The following POC1A variants were observed in gnomAD, a reference collection of about 807,000 sequenced individuals.
POC1A encodes the protein POC1 centriolar protein homolog A.
A neutral mutation model predicts 47.8 loss-of-function variants in POC1A; 34 were observed. That is an observed-to-expected ratio of 0.71 (90% CI 0.54 to 0.95). The LOEUF (loss-of-function observed/expected upper bound fraction) is 0.95, where lower values mean the gene tolerates loss of function less well. Ranked by LOEUF, POC1A falls within the 40% of genes least tolerant of loss-of-function variation. POC1A has a pLI of 0.00. For synonymous variants in POC1A, 177 were observed against 207.6 expected (o/e 0.85, Z 1.27); for missense variants, 466 against 528.3 (o/e 0.88, Z 1.16).
intron 4 of POC1A, among the ~76,000 whole-genome samples, chr3:52,147,352 GA>G (rs533855537): frequency 1.3e-5 from 2 of 152,152 alleles, no homozygotes; most frequent in East Asian, 3.9e-4. Context: ...CTTTGTTTCT[GA>G]AAATAGTTAA....
chr3:52,096,808 C>T, intron 9 of POC1A, 96 bp from the exon 10 acceptor site: 1 of 1,171,142 alleles, frequency 8.5e-7, no homozygotes, highest in African/African-American at 1.6e-5. Context: ...GGGAAAACCA[C>T]CAGCAAATTT....
rs143222598 is a variant in POC1A at position 52,095,941 on chromosome 3, G to A, written c.1125+628C>T. 1.4e-3 allele frequency among the ~76,000 whole-genome samples: 217 copies of A among 152,354 alleles called. 1 individual carries two copies. The highest frequency in any genetic ancestry group is 0.01 in the Middle Eastern group (3 of 294). On this transcript the variant is annotated intron_variant, in intron 10 of 10. Transcript: ENST00000296484. ...GCCAACCTACGCTCCAGAGGGCAGGGCCCATATCCATCTCAGTGACGAGGG... is the reference window on the plus strand; with the variant it reads ...GCCAACCTACGCTCCAGAGGGCAGGACCCATATCCATCTCAGTGACGAGGG...
intron 10 of POC1A, among the ~76,000 whole-genome samples, chr3:52,083,190 C>T (rs551192121): frequency 6.6e-6 from 1 of 152,282 alleles, no homozygotes; most frequent in African/African-American, 2.4e-5. Context: ...GACCCTCCAG[C>T]TGGCAAGAGG....
chr3:52,137,288 G>T (rs1559845194), intron 7 of POC1A, among the ~76,000 whole-genome samples: 1 of 152,004 alleles, frequency 6.6e-6, no homozygotes, highest in Non-Finnish European at 1.5e-5. Context: ...CCCTAACTCA[G>T]ATGGCAGTGG....
chr3:52,096,028 T>C (rs907200651), intron 10 of POC1A, among the ~76,000 whole-genome samples: 2 of 152,236 alleles, frequency 1.3e-5, no homozygotes, highest in Non-Finnish European at 2.9e-5. Flanking sequence ...GGGCCAAACA[T>C]TTCCCAGATT....
intron 9 of POC1A, among the ~76,000 whole-genome samples, chr3:52,097,589 G>C (rs563153724): frequency 2.6e-4 from 40 of 152,332 alleles, no homozygotes; most frequent in South Asian, 6.2e-4. Context: ...CTGTGGACTT[G>C]TTCCTGTGGG....
intron 2 of POC1A, among the ~76,000 whole-genome samples, chr3:52,150,613 C>T (rs1038067966): frequency 2.0e-5 from 3 of 152,096 alleles, no homozygotes; most frequent in Non-Finnish European, 2.9e-5. Context: ...TGCTCAACAG[C>T]CTTCTCACTG....
intron 9 of POC1A, among the ~76,000 whole-genome samples, chr3:52,118,336 G>GA (rs1211965618): frequency 6.6e-6 from 1 of 152,196 alleles, no homozygotes; most frequent in African/African-American, 2.4e-5. Flanking sequence ...AGAATAGAGG[G>GA]AAAATGGAAC....
chr3:52,094,427 G>C (rs1400551317), intron 10 of POC1A, among the ~76,000 whole-genome samples: 2 of 152,246 alleles, frequency 1.3e-5, no homozygotes, highest in African/African-American at 4.8e-5. Flanking sequence ...CCAAGAGAAA[G>C]GCACAGGGAA....
rs1387086385 is a variant in POC1A at position 52,090,611 on chromosome 3, T to C, written c.1125+5958A>G. On this transcript the variant is annotated intron_variant, in intron 10 of 10. Coordinates refer to ENST00000296484, the MANE Select transcript of POC1A (RefSeq NM_015426.5). The surrounding 1 kb of genome is among the most constrained non-coding windows in gnomAD (Gnocchi z 4.2). ...CAGAGCCAGCGTGGAGGTGAGCTCATGTAGCAGTGGCTATTTGTGGAAACA... is the reference window on the plus strand; with the variant it reads ...CAGAGCCAGCGTGGAGGTGAGCTCACGTAGCAGTGGCTATTTGTGGAAACA... Among the ~76,000 whole-genome samples the C allele has an allele frequency of 2.0e-5, 3 of 152,176 alleles. No homozygotes were observed. The highest frequency in any genetic ancestry group is 2.9e-5 in the Non-Finnish European group (2 of 68,024).
intron 10 of POC1A, among the ~76,000 whole-genome samples, chr3:52,083,736 C>T (rs1049331379): frequency 1.3e-5 from 2 of 152,166 alleles, no homozygotes; most frequent in East Asian, 1.9e-4. Flanking sequence ...GGAGTCAGGC[C>T]CCTGCCACGG....
chr3:52,149,276 CACACTTTG>C lies in POC1A; in HGVS notation c.381_388del (p.Lys128GlyfsTer35). ...CAGGAATTTCTGGCGATGAGTTGCCCACACTTTGACTGTCTTGTCGTCAGAGGCTGTCA... is the reference window on the plus strand; with the variant it reads ...CAGGAATTTCTGGCGATGAGTTGCCCACTGTCTTGTCGTCAGAGGCTGTCA... On this transcript the variant is annotated frameshift_variant, in exon 4 of 11. Transcript: ENST00000296484. LOFTEE classifies it high-confidence loss of function. 1 of 1,614,184 alleles carries C rather than the reference CACACTTTG, an allele frequency of 6.2e-7. No homozygotes were observed.
rs748442826 is a variant in POC1A, at chr3:52,090,100, C to T, written c.1125+6469G>A. Among the ~76,000 whole-genome samples the T allele has an allele frequency of 6.6e-6, 1 of 152,302 alleles. No homozygotes were observed. The highest frequency in any genetic ancestry group is 2.1e-4 in the South Asian group (1 of 4,826). ...CAATGACTTGAACACTTAACAAAAT[C>T]GAATGCCAAAGAGACCCAAACAAGC... On this transcript the variant is annotated intron_variant, in intron 10 of 10. Transcript: ENST00000296484. This position sits in a 1 kb window ranked among gnomAD's most constrained non-coding sequence, Gnocchi z 4.2.
chr3:52,109,521 T>C (rs944465434), intron 9 of POC1A, among the ~76,000 whole-genome samples: 5 of 151,536 alleles, frequency 3.3e-5, no homozygotes, highest in African/African-American at 7.3e-5. Context: ...TCCTGGTGAC[T>C]GAAAGGAGCT....
rs1300781358 is a variant in POC1A at position 52,133,531 on chromosome 3, C to A, written c.813+4638G>T. Among the ~76,000 whole-genome samples, 6 of 152,108 alleles carry A rather than the reference C, an allele frequency of 3.9e-5. 1 individual carries two copies. Among genetic ancestry groups the A allele is most frequent in the Admixed American group, 6.5e-5 (1 of 15,286 alleles). ...CCGCACGCTGACTCCTGGCTGATAACCTGCCCTCAACACCAGCACACAGGT... is the reference window on the plus strand; with the variant it reads ...CCGCACGCTGACTCCTGGCTGATAAACTGCCCTCAACACCAGCACACAGGT... On this transcript the variant is annotated intron_variant, in intron 7 of 10. Transcript: ENST00000296484.
chr3:52,149,505 G>T, intron 3 of POC1A, 116 bp from the exon 4 acceptor site: 1 of 918,746 alleles, frequency 1.1e-6, no homozygotes, highest in Non-Finnish European at 1.7e-6. Flanking sequence ...TCAAGCCCGA[G>T]TACCCCAGTC....
intron 7 of POC1A, among the ~76,000 whole-genome samples, chr3:52,128,816 A>C (rs1375178998): frequency 6.6e-6 from 1 of 152,008 alleles, no homozygotes. Context: ...AGGTATTTTC[A>C]ATTTTTTTGG....
intron 9 of POC1A, among the ~76,000 whole-genome samples, chr3:52,102,094 G>A (rs1475038496): frequency 6.6e-6 from 1 of 151,916 alleles, no homozygotes; most frequent in African/African-American, 2.4e-5. Flanking sequence ...ACTCATCTAG[G>A]ATTTTGTTTT....
chr3:52,117,060 C>T (rs961615647), intron 9 of POC1A, among the ~76,000 whole-genome samples: 9 of 152,100 alleles, frequency 5.9e-5, no homozygotes, highest in African/African-American at 1.9e-4. Context: ...TGGAGGTGCA[C>T]GCTTGTATTC....
Sources: allele counts gnomAD v4.1 joint callset (sites outside exome capture counted in the v4.1 genomes callset), GRCh38; gene constraint gnomAD v4.1.1; non-coding constraint Gnocchi (gnomAD v3.1); transcripts MANE v1.5; gene names NCBI Gene and HGNC (gene_info 2026-07-23, HGNC 2026-07-21).